Variants in SPAG17 observed in about 807,000 individuals in gnomAD.
SPAG17 encodes the protein sperm-associated antigen 17.
In SPAG17, 169 loss-of-function variants were observed where a neutral mutation model predicts 273.6. That is an observed-to-expected ratio of 0.62 (90% CI 0.55 to 0.70). The LOEUF (loss-of-function observed/expected upper bound fraction) is 0.70. SPAG17 is among the 30% of genes least tolerant of loss of function. SPAG17 has a pLI of 0.00. For missense variants in SPAG17, 2,557 were observed against 2,627.8 expected (o/e 0.97, Z 0.59); for synonymous variants, 825 against 873.2 (o/e 0.94, Z 0.97).
Position 117,968,569 on chromosome 1 carries a change from A to G in SPAG17, c.6387+1487T>C, listed in dbSNP as rs779752465. Reference sequence around the variant, plus strand: ...TGTATAATACTGTTTTCTATAGAGCATATTACAGCTAGAAGGGGCTAAGAA... The same window carrying G: ...TGTATAATACTGTTTTCTATAGAGCGTATTACAGCTAGAAGGGGCTAAGAA... On this transcript the variant is annotated intron_variant, in intron 46 of 48. Transcript: ENST00000336338. Among the ~76,000 whole-genome samples, 63 of 152,244 alleles carry G rather than the reference A, an allele frequency of 4.1e-4. 1 individual carries two copies. The highest frequency in any genetic ancestry group is 8.5e-4 in the Non-Finnish European group (58 of 68,036).
At position 117,981,260 on chromosome 1, in the gene SPAG17, A is replaced by G. The variant is rs749428136; in HGVS notation, c.6004+10T>C. 36 of 1,550,320 alleles carry G rather than the reference A, an allele frequency of 2.3e-5. No homozygotes were observed. The highest frequency in any genetic ancestry group is 3.4e-4 in the Middle Eastern group (2 of 5,832). On this transcript the variant is annotated intron_variant, in intron 43 of 48. Coordinates refer to ENST00000336338, the MANE Select transcript of SPAG17 (RefSeq NM_206996.4). Reference sequence around the variant, plus strand: ...TTCAAGAAGCAATAAGATAAAAAAGACTGCCATACCTTCAGGAGATTTTGT... The same window carrying G: ...TTCAAGAAGCAATAAGATAAAAAAGGCTGCCATACCTTCAGGAGATTTTGT...
In SPAG17 at chr1:118,041,857, G is replaced by C. The variant is rs1188261232; in HGVS notation, c.3000C>G (p.Ile1000Met). The change falls in exon 21 of 49, where the codon ATC becomes ATG. Residue 1000 changes from isoleucine (I) to methionine (M), a missense_variant. Ile to Met is a conservative substitution (Grantham distance 10). Transcript: ENST00000336338. ...KEKSKEEQVK[I>M]QEVTEESPHQ... ...GGGGGGACTCTTCTGTTACTTCTTG[G>C]ATCTTGACTTGTTCTTCTTTAGATT... The C allele has an allele frequency of 6.2e-7, 1 of 1,613,854 alleles. No individual in the cohort carries two copies. The highest frequency in any genetic ancestry group is 1.7e-5 in the Admixed American group (1 of 60,000).
intron 44 of SPAG17, 65 bp from the exon 45 acceptor site, chr1:117,972,112 AGTCCCTGTC>A: frequency 1.6e-6 from 2 of 1,280,896 alleles, no homozygotes; most frequent in Non-Finnish European, 2.1e-6. Flanking sequence ...AAAAAAAAAA[AGTCCCTGTC>A]ACCAGAGGAA....
chr1:118,032,017 T>A, intron 24 of SPAG17, 150 bp from the exon 25 acceptor site: 1 of 658,660 alleles, frequency 1.5e-6, no homozygotes, highest in Non-Finnish European at 2.5e-6. Flanking sequence ...ATTTCAGGAG[T>A]AATGAAGTTG....
chr1:118,156,327 A>G (rs1162654408), intron 1 of SPAG17, among the ~76,000 whole-genome samples: 1 of 152,206 alleles, frequency 6.6e-6, no homozygotes, highest in Non-Finnish European at 1.5e-5. Context: ...CTATACATAA[A>G]TATCTGTTGG....
intron 3 of SPAG17, among the ~76,000 whole-genome samples, chr1:118,136,011 C>G (rs1451272182): frequency 1.3e-5 from 2 of 152,134 alleles, no homozygotes; most frequent in African/African-American, 4.8e-5. Context: ...AGTCACTTAA[C>G]CTCTTTGAGG....
In SPAG17 at chr1:118,097,661, T is replaced by C; in HGVS notation, c.1011+9A>G. 2.5e-6 allele frequency: 4 copies of C among 1,579,232 alleles called. No homozygotes were observed. Among genetic ancestry groups the C allele is most frequent in the Non-Finnish European group, 3.4e-6 (4 of 1,166,632 alleles). On this transcript the variant is annotated intron_variant, in intron 7 of 48. Transcript: ENST00000336338. ...AAAACCATGCACTCTCAGTAATGTGTGTACTAACCATCATCTCACCATCTG... is the reference window on the plus strand; with the variant it reads ...AAAACCATGCACTCTCAGTAATGTGCGTACTAACCATCATCTCACCATCTG...
intron 42 of SPAG17, 48 bp downstream of exon 42, chr1:117,983,763 T>C: frequency 1.5e-6 from 2 of 1,314,450 alleles, no homozygotes; most frequent in Non-Finnish European, 2.2e-6. Flanking sequence ...TTAGGTATTA[T>C]TCAGTTACGG....
At chr1:118,043,436 G>A (rs1245736582) in intron 20 of SPAG17, among the ~76,000 whole-genome samples, 1 of 152,062 alleles carries the variant, frequency 6.6e-6, no homozygotes, top group Non-Finnish European at 1.5e-5. Context: ...ATATAAATTT[G>A]CAATTAAGCA....
At chr1:117,984,865 C>T in intron 40 of SPAG17, 83 bp from the exon 41 acceptor site, 1 of 816,830 alleles carries the variant, frequency 1.2e-6, no homozygotes, top group South Asian at 1.6e-5. Context: ...CTCTAAATCC[C>T]ACAAAAATGA....
At chr1:117,984,597 A>G in intron 41 of SPAG17, 86 bp downstream of exon 41, 1 of 841,240 alleles carries the variant, frequency 1.2e-6, no homozygotes, top group Non-Finnish European at 1.9e-6. Context: ...AAACAGCATC[A>G]GGAAAGACAG....
chr1:118,149,111 G>C (rs1175702178), intron 3 of SPAG17, among the ~76,000 whole-genome samples: 1 of 152,196 alleles, frequency 6.6e-6, no homozygotes. Context: ...CCATTCAGAA[G>C]AGTGTATGTG....
chr1:117,969,574 G>A (rs571863227), intron 46 of SPAG17, among the ~76,000 whole-genome samples: 6 of 152,036 alleles, frequency 3.9e-5, no homozygotes, highest in Non-Finnish European at 7.4e-5. Context: ...GTGAGGCTCT[G>A]TCTCAAAATA....
chr1:118,161,185 G>A (rs970098007), intron 1 of SPAG17, among the ~76,000 whole-genome samples: 2 of 152,182 alleles, frequency 1.3e-5, no homozygotes, highest in African/African-American at 4.8e-5. Flanking sequence ...ACTATTTCTT[G>A]TAAAGGCTAT....
intron 1 of SPAG17, among the ~76,000 whole-genome samples, chr1:118,177,226 G>T (rs1273927998): frequency 6.6e-6 from 1 of 152,134 alleles, no homozygotes; most frequent in Non-Finnish European, 1.5e-5. Flanking sequence ...TTGCTGGGGA[G>T]GCCTCAGAAA....
intron 43 of SPAG17, among the ~76,000 whole-genome samples, chr1:117,979,392 G>A (rs1372897083): frequency 6.6e-6 from 1 of 152,130 alleles, no homozygotes; most frequent in Non-Finnish European, 1.5e-5. Flanking sequence ...CTCTTGAGCA[G>A]CAAATTCTAT....
At chr1:118,056,327 T>C (rs12124243) in intron 18 of SPAG17, among the ~76,000 whole-genome samples, 27,019 of 152,164 alleles carry the variant, frequency 0.18, 2,951 homozygotes, top group Non-Finnish European at 0.24. Context: ...TTATAGCACA[T>C]TAGGAACTTT....
intron 10 of SPAG17, among the ~76,000 whole-genome samples, chr1:118,090,309 A>G (rs1655281498): frequency 6.6e-6 from 1 of 152,198 alleles, no homozygotes; most frequent in Non-Finnish European, 1.5e-5. Context: ...AAGCCTCAGG[A>G]AATTTGAATT....
intron 1 of SPAG17, among the ~76,000 whole-genome samples, chr1:118,167,138 GTTCT>G (rs1236901317): frequency 3.3e-5 from 5 of 152,078 alleles, no homozygotes; most frequent in African/African-American, 9.7e-5. Flanking sequence ...GATACATGAT[GTTCT>G]TTAAGTTTTC....
Sources: allele counts gnomAD v4.1 joint callset (sites outside exome capture counted in the v4.1 genomes callset), GRCh38; gene constraint gnomAD v4.1.1; transcripts MANE v1.5; gene names NCBI Gene and HGNC (gene_info 2026-07-23, HGNC 2026-07-21).